BTAF1: variants seen among roughly 807,000 people sequenced by gnomAD.
BTAF1 encodes the protein B-TFIID TATA-box binding protein associated factor 1.
In BTAF1, 38 loss-of-function variants were observed where a neutral mutation model predicts 227.1. The ratio of observed to expected loss-of-function variants is 0.17; its 90% CI spans 0.13 to 0.22. The LOEUF (loss-of-function observed/expected upper bound fraction) is 0.22. BTAF1 is among the 10% of genes least tolerant of loss of function. BTAF1 has a pLI of 1.00. For synonymous variants in BTAF1, 742 were observed against 751.9 expected, an observed-to-expected ratio of 0.99 and a Z score of 0.21; for missense variants, 1,598 against 2,204.0, an observed-to-expected ratio of 0.73 and a Z score of 5.51.
intron 14 of BTAF1, among the ~76,000 whole-genome samples, chr10:91,976,674 T>A (rs1448447395): frequency 3.3e-5 from 5 of 152,144 alleles, no homozygotes; most frequent in Admixed American, 1.3e-4. Flanking sequence ...TGAAAAAAAA[T>A]TTCTTATATT....
chr10:91,998,924 G>A (rs534430043), intron 25 of BTAF1, among the ~76,000 whole-genome samples: 3 of 151,996 alleles, frequency 2.0e-5, no homozygotes, highest in Non-Finnish European at 2.9e-5. Flanking sequence ...TTTGTGGGGC[G>A]TGGTGGCACA....
intron 12 of BTAF1, 66 bp from the exon 13 acceptor site, chr10:91,964,011 C>G (rs1589823848): frequency 6.4e-7 from 1 of 1,569,498 alleles, no homozygotes; most frequent in Admixed American, 1.7e-5. Context: ...CCTGGGATAC[C>G]ATTTGGCAGG....
chr10:91,968,258 T>G (rs1038692142), intron 14 of BTAF1, among the ~76,000 whole-genome samples: 5 of 152,246 alleles, frequency 3.3e-5, no homozygotes, highest in African/African-American at 1.2e-4. Context: ...TACTGTCTCC[T>G]TAATTTTGTC....
intron 3 of BTAF1, among the ~76,000 whole-genome samples, chr10:91,941,279 G>A (rs1844978883): frequency 6.6e-6 from 1 of 152,054 alleles, no homozygotes; most frequent in South Asian, 2.1e-4. Context: ...CTCGCATTAA[G>A]CTAGCATTAA....
At chr10:92,014,378 T>C (rs927033201) in intron 32 of BTAF1, among the ~76,000 whole-genome samples, 1 of 152,014 alleles carries the variant, frequency 6.6e-6, no homozygotes, top group Non-Finnish European at 1.5e-5. Context: ...CAGGCACATA[T>C]CACCATGCCC....
At chr10:91,973,303 C>G (rs1037006450) in intron 14 of BTAF1, among the ~76,000 whole-genome samples, 1 of 152,172 alleles carries the variant, frequency 6.6e-6, no homozygotes, top group Admixed American at 6.5e-5. Flanking sequence ...GTCTAACCCT[C>G]TCTGGTGATT....
At chr10:91,935,518 C>T in intron 1 of BTAF1, 139 bp from the exon 2 acceptor site, 1 of 858,470 alleles carries the variant, frequency 1.2e-6, no homozygotes, top group Non-Finnish European at 1.7e-6. Context: ...TGGCTTATTT[C>T]ACCATAATGT....
Position 91,924,049 on chromosome 10 carries a change from G to C in BTAF1, c.-28G>C. On this transcript the variant is annotated 5_prime_UTR_variant, in exon 1 of 38. Coordinates refer to ENST00000265990, the MANE Select transcript of BTAF1 (RefSeq NM_003972.3). ...TCAGCTGCGCGGCGCGTAGGTCGCG[G>C]GGAGCTCCGAACCGCCGGCGCCCGG... 6.2e-7 allele frequency: 1 copy of C among 1,605,456 alleles called. No homozygotes were observed. The highest frequency in any genetic ancestry group is 2.3e-5 in the East Asian group (1 of 44,218).
intron 20 of BTAF1, among the ~76,000 whole-genome samples, chr10:91,990,604 G>A (rs1848668136): frequency 6.6e-6 from 1 of 151,840 alleles, no homozygotes; most frequent in African/African-American, 2.4e-5. Context: ...AGACCAGCCT[G>A]ACCAAAATGG....
At chr10:91,949,602 T>G (rs1845608762) in intron 4 of BTAF1, among the ~76,000 whole-genome samples, 2 of 152,154 alleles carry the variant, frequency 1.3e-5, no homozygotes, top group Non-Finnish European at 2.9e-5. Flanking sequence ...GGACAATAGC[T>G]CAAATCTCAA....
Position 92,029,994 on chromosome 10 carries a change from A to G in BTAF1, c.*1061A>G, listed in dbSNP as rs1163914821. ...CAATGGTGAGGGTAGGTATATGTAGATAGATGTGCATGTATGTGTTTGTAT... is the reference window on the plus strand; with the variant it reads ...CAATGGTGAGGGTAGGTATATGTAGGTAGATGTGCATGTATGTGTTTGTAT... On this transcript the variant is annotated 3_prime_UTR_variant, in exon 38 of 38. Transcript: ENST00000265990. 1 of 152,544 alleles carries G rather than the reference A, an allele frequency of 6.6e-6. No homozygotes were observed. Among genetic ancestry groups the G allele is most frequent in the Non-Finnish European group, 1.5e-5 (1 of 67,960 alleles). The allele number at this position is 152,544 out of a possible 1,614,324, so 9.4% of individuals were successfully genotyped here. A position where few individuals can be genotyped will look rare whatever the true frequency, so the allele number is the denominator to read the frequency against.
At chr10:91,989,835 G>A (rs550285217) in intron 20 of BTAF1, among the ~76,000 whole-genome samples, 2 of 152,164 alleles carry the variant, frequency 1.3e-5, no homozygotes, top group African/African-American at 2.4e-5. Flanking sequence ...AAATCTGTAA[G>A]ACAGGTGTTC....
intron 14 of BTAF1, among the ~76,000 whole-genome samples, chr10:91,976,907 C>T (rs1564688497): frequency 6.6e-6 from 1 of 152,112 alleles, no homozygotes; most frequent in African/African-American, 2.4e-5. Context: ...ACAAGAATAA[C>T]TTAATGAGGT....
intron 1 of BTAF1, among the ~76,000 whole-genome samples, chr10:91,932,693 G>T (rs1216494962): frequency 2.0e-5 from 3 of 152,200 alleles, no homozygotes; most frequent in South Asian, 2.1e-4. Context: ...AATTCATGTG[G>T]ATTTCAGAAA....
chr10:92,009,162 T>C lies in BTAF1; in HGVS notation c.4057T>C (p.Tyr1353His), dbSNP rs779086520. ...DEVGKFCSRE[Y>H]LNPLHYTGPP... The stretch of plus-strand genomic sequence containing the variant: ...AGTAGGTAAATTTTGCTCTAGAGAA[T>C]ATCTCAACCCGTTGCATTACACTGG... The change falls in exon 28 of 38, where the codon TAT becomes CAT. Residue 1353 changes from tyrosine (Y) to histidine (H), a missense_variant. By Grantham distance (83) the Tyr-to-His change is moderately conservative (BLOSUM62 2). Around this residue, in one of 10 missense-constraint regions of BTAF1, gnomAD observed 184 missense variants for 341.1 expected, o/e 0.54. Coordinates refer to ENST00000265990, the MANE Select transcript of BTAF1 (RefSeq NM_003972.3). 6.2e-7 allele frequency: 1 copy of C among 1,614,148 alleles called. No homozygotes were observed. The highest frequency in any genetic ancestry group is 1.1e-5 in the South Asian group (1 of 91,090).
chr10:91,969,812 A>G (rs1173412827), intron 14 of BTAF1, among the ~76,000 whole-genome samples: 1 of 152,000 alleles, frequency 6.6e-6, no homozygotes, highest in African/African-American at 2.4e-5. Flanking sequence ...AAAAATACCA[A>G]AATTAGCTGG....
At chr10:91,974,919 A>C (rs1232026318) in intron 14 of BTAF1, among the ~76,000 whole-genome samples, 1 of 152,078 alleles carries the variant, frequency 6.6e-6, no homozygotes, top group African/African-American at 2.4e-5. Flanking sequence ...TTTTTTTGCT[A>C]AACTAGCAGC....
At chr10:91,991,795 G>GTATATATATATA (rs1489317546) in intron 20 of BTAF1, among the ~76,000 whole-genome samples, 7 of 5,632 alleles carry the variant, frequency 1.2e-3, no homozygotes, top group African/African-American at 1.5e-3. Context: ...GTGTGTGTGT[G>GTATATATATATA]TGTATATATA....
chr10:92,012,893 A>C (rs1455189833), intron 30 of BTAF1, among the ~76,000 whole-genome samples: 2 of 152,178 alleles, frequency 1.3e-5, no homozygotes, highest in Non-Finnish European at 2.9e-5. Context: ...TAGTAATTTA[A>C]AGTATGTTAT....
Sources: gnomAD v4.1 joint callset for allele counts (sites outside exome capture counted in the v4.1 genomes callset) on GRCh38, gnomAD v4.1.1 for gene constraint, gnomAD v4.1.1 regional missense constraint, MANE v1.5 for transcripts, NCBI Gene and HGNC (gene_info 2026-07-23, HGNC 2026-07-21) for gene names.